SH3GL2: variants seen among roughly 807,000 people sequenced by gnomAD.
SH3GL2 encodes the protein endophilin-A1.
In SH3GL2, 24 loss-of-function variants were observed where a neutral mutation model predicts 46.0. The observed-to-expected ratio is 0.52, with a 90% CI of 0.38 to 0.73. The LOEUF is 0.73. Among genes scored for constraint, SH3GL2 ranks in the 30% least tolerant of loss-of-function variants. The pLI is 0.00. For missense variants in SH3GL2, 413 were observed against 424.2 expected, an observed-to-expected ratio of 0.97 and a Z score of 0.23; for synonymous variants, 196 against 147.1, an observed-to-expected ratio of 1.33 and a Z score of -2.40.
chr9:17,638,526 G>T (rs115149618), intron 1 of SH3GL2, among the ~76,000 whole-genome samples: 275 of 152,304 alleles, frequency 1.8e-3, no homozygotes, highest in African/African-American at 6.4e-3. Context: ...GGGAGTGATA[G>T]AAAATTATTT....
At chr9:17,725,336 T>G (rs895320464) in intron 1 of SH3GL2, among the ~76,000 whole-genome samples, 3 of 152,104 alleles carry the variant, frequency 2.0e-5, no homozygotes, top group African/African-American at 7.2e-5. Flanking sequence ...TGAGTGTGAT[T>G]CCAAGAGCAC....
intron 1 of SH3GL2, among the ~76,000 whole-genome samples, chr9:17,618,936 C>T (rs1819067716): frequency 6.6e-6 from 1 of 151,960 alleles, no homozygotes; most frequent in Non-Finnish European, 1.5e-5. Context: ...TTTAAAAATT[C>T]AGCGCTTTTA....
chr9:17,784,970 C>A (rs533900049), intron 3 of SH3GL2, among the ~76,000 whole-genome samples: 1 of 152,150 alleles, frequency 6.6e-6, no homozygotes, highest in Non-Finnish European at 1.5e-5. Context: ...GCTTTGGGCA[C>A]CAAAGGTGCT....
intron 1 of SH3GL2, among the ~76,000 whole-genome samples, chr9:17,665,488 A>C (rs903363655): frequency 1.3e-5 from 2 of 152,112 alleles, no homozygotes; most frequent in Non-Finnish European, 2.9e-5. Context: ...TTTCTTCATA[A>C]TAGTATTCAG....
chr9:17,758,172 C>T (rs1183556681), intron 2 of SH3GL2, among the ~76,000 whole-genome samples: 1 of 152,130 alleles, frequency 6.6e-6, no homozygotes, highest in Non-Finnish European at 1.5e-5. Flanking sequence ...CTCTAGGCCA[C>T]AGGTGTGGAC....
chr9:17,749,655 A>G (rs930190221), intron 2 of SH3GL2, among the ~76,000 whole-genome samples: 2 of 152,218 alleles, frequency 1.3e-5, no homozygotes, highest in African/African-American at 4.8e-5. Context: ...TGTTTCTTAA[A>G]TGAGACTAAA....
intron 1 of SH3GL2, among the ~76,000 whole-genome samples, chr9:17,635,677 C>A (rs1819527003): frequency 6.6e-6 from 1 of 152,140 alleles, no homozygotes; most frequent in Non-Finnish European, 1.5e-5. Flanking sequence ...AGATTGGGTG[C>A]TCTGAGTGTA....
intron 5 of SH3GL2, 28 bp downstream of exon 5, chr9:17,787,541 G>A: frequency 1.3e-6 from 2 of 1,599,788 alleles, no homozygotes; most frequent in Non-Finnish European, 1.7e-6. Flanking sequence ...TCTGGAAAGT[G>A]GGCAGTTGAA....
At chr9:17,695,531 A>T (rs1033058234) in intron 1 of SH3GL2, among the ~76,000 whole-genome samples, 2 of 152,104 alleles carry the variant, frequency 1.3e-5, no homozygotes, top group Non-Finnish European at 2.9e-5. Context: ...TTAGATCTCA[A>T]TATACTCCTC....
chr9:17,741,741 T>C (rs1351097906), intron 1 of SH3GL2, among the ~76,000 whole-genome samples: 1 of 152,206 alleles, frequency 6.6e-6, no homozygotes, highest in Non-Finnish European at 1.5e-5. Context: ...AAAGAACCTG[T>C]GATATATGAT....
chr9:17,750,212 T>C (rs1186597246), intron 2 of SH3GL2, among the ~76,000 whole-genome samples: 3 of 152,112 alleles, frequency 2.0e-5, no homozygotes, highest in East Asian at 3.9e-4. Flanking sequence ...ATGTTTGAGC[T>C]CAGTGTTCCC....
chr9:17,738,295 A>G (rs985156680), intron 1 of SH3GL2, among the ~76,000 whole-genome samples: 3 of 151,834 alleles, frequency 2.0e-5, no homozygotes, highest in African/African-American at 7.3e-5. Context: ...TCTGAAAAAA[A>G]AATGTGTCAT....
At chr9:17,729,493 T>G (rs1034885823) in intron 1 of SH3GL2, among the ~76,000 whole-genome samples, 2 of 152,212 alleles carry the variant, frequency 1.3e-5, no homozygotes, top group Non-Finnish European at 2.9e-5. Context: ...TTTTGGCTTT[T>G]GTTGCCATTG....
intron 3 of SH3GL2, among the ~76,000 whole-genome samples, chr9:17,767,383 G>C (rs748355500): frequency 1.3e-5 from 2 of 152,160 alleles, no homozygotes; most frequent in Non-Finnish European, 2.9e-5. Flanking sequence ...ATTAAAATTA[G>C]TGTACTTCTT....
chr9:17,675,286 AGGACTTAAGGGGTGAATT>A (rs1820578072), intron 1 of SH3GL2, among the ~76,000 whole-genome samples: 1 of 152,180 alleles, frequency 6.6e-6, no homozygotes, highest in Admixed American at 6.5e-5. Context: ...GTTTTAATTC[AGGACTTAAGGGGTGAATT>A]ATCTTATTAA....
intron 1 of SH3GL2, among the ~76,000 whole-genome samples, chr9:17,702,445 A>T (rs2118211707): frequency 9.7e-6 from 1 of 102,722 alleles, no homozygotes; most frequent in Middle Eastern, 4.5e-3. Context: ...GTTGCACAGC[A>T]AAAAAAAACA....
In SH3GL2 at chr9:17,588,687, T is replaced by C. The variant is rs373976047; in HGVS notation, c.45+9400T>C. 1.2e-4 allele frequency among the ~76,000 whole-genome samples: 19 copies of C among 152,320 alleles called. No homozygotes were observed. In the East Asian group the frequency reaches 3.1e-3, roughly 25 times the overall value. The stretch of plus-strand genomic sequence containing the variant: ...CCCAAGCTTCCAGATAAGAGCCCAG[T>C]CTAGCCAACGCCTTCATTTTGGCCT... On this transcript the variant is annotated intron_variant, in intron 1 of 8. Coordinates refer to ENST00000380607, the MANE Select transcript of SH3GL2 (RefSeq NM_003026.5).
At chr9:17,666,212 T>G (rs78141330) in intron 1 of SH3GL2, among the ~76,000 whole-genome samples, 2,252 of 152,078 alleles carry the variant, frequency 0.015, 74 homozygotes, top group African/African-American at 0.051. Flanking sequence ...CCTTTTTTCC[T>G]CTCTTCAATG....
At chr9:17,674,277 A>AT (rs951196712) in intron 1 of SH3GL2, among the ~76,000 whole-genome samples, 9 of 150,210 alleles carry the variant, frequency 6.0e-5, no homozygotes, top group Non-Finnish European at 1.2e-4. Flanking sequence ...TTATTTATTT[A>AT]TTTTTTTAAG....
Sources: gnomAD v4.1 joint callset for allele counts (sites outside exome capture counted in the v4.1 genomes callset) on GRCh38, gnomAD v4.1.1 for gene constraint, MANE v1.5 for transcripts, NCBI Gene and HGNC (gene_info 2026-07-23, HGNC 2026-07-21) for gene names.